Variants in SNX6 observed in about 807,000 individuals in gnomAD.
SNX6 encodes sorting nexin-6.
In SNX6, 34 loss-of-function variants were observed where a neutral mutation model predicts 63.0. The ratio of observed to expected loss-of-function variants is 0.54; its 90% CI spans 0.41 to 0.72. The LOEUF is 0.72. Among genes scored for constraint, SNX6 ranks in the 30% least tolerant of loss-of-function variants. SNX6 has a pLI of 0.00. For missense variants in SNX6, 398 were observed against 471.4 expected (o/e 0.84, Z 1.44); for synonymous variants, 170 against 164.2 (o/e 1.04, Z -0.27).
chr14:34,613,894 G>A (rs1883324017), intron 2 of SNX6, among the ~76,000 whole-genome samples: 1 of 151,928 alleles, frequency 6.6e-6, no homozygotes, highest in Non-Finnish European at 1.5e-5. Flanking sequence ...GGATCACGAG[G>A]TCAGGAGTTC....
intron 10 of SNX6, among the ~76,000 whole-genome samples, chr14:34,576,216 C>T (rs939003569): frequency 2.6e-5 from 4 of 151,850 alleles, no homozygotes; most frequent in Non-Finnish European, 2.9e-5. Flanking sequence ...TGAGCCACCG[C>T]GCCCGGCCTC....
Position 34,629,638 on chromosome 14 carries a change from G to A in SNX6, c.54+269C>T, listed in dbSNP as rs1373191767. On this transcript the variant is annotated intron_variant, in intron 2 of 13. Coordinates refer to ENST00000362031, the MANE Select transcript of SNX6 (RefSeq NM_152233.4). ...ATTTCCACTTCGCCACCTGCACCCC[G>A]CCCCGCGTGGGAGTGGAGGTCCACC... is the stretch of plus-strand genomic sequence containing the variant. 5.8e-6 allele frequency: 4 copies of A among 685,166 alleles called. No individual in the cohort carries two copies. The South Asian group carries it at 6.0e-5, about 10-fold the overall frequency. 42.4% of individuals were successfully genotyped at this position (685,166 alleles called of 1,614,324 possible). A position where few individuals can be genotyped will look rare whatever the true frequency, so the allele number is the denominator to read the frequency against.
At chr14:34,568,091 C>A in intron 11 of SNX6, 78 bp from the exon 12 acceptor site, 1 of 1,218,452 alleles carries the variant, frequency 8.2e-7, no homozygotes, top group Non-Finnish European at 1.2e-6. Context: ...CTGTCACCAC[C>A]ACCACAACCA....
At chr14:34,585,936 A>T (rs1183618005) in intron 9 of SNX6, among the ~76,000 whole-genome samples, 4 of 139,160 alleles carry the variant, frequency 2.9e-5, no homozygotes, top group Admixed American at 7.4e-5. Context: ...ATGGAGTCTC[A>T]CTCTGTTGCC....
intron 2 of SNX6, among the ~76,000 whole-genome samples, chr14:34,612,806 T>C (rs1310634241): frequency 6.6e-6 from 1 of 151,842 alleles, no homozygotes; most frequent in South Asian, 2.1e-4. Context: ...TCCCAGCACT[T>C]TGGGAGGCCG....
intron 2 of SNX6, among the ~76,000 whole-genome samples, chr14:34,626,491 A>G (rs1386368508): frequency 7.5e-6 from 1 of 133,404 alleles, no homozygotes; most frequent in African/African-American, 3.1e-5. Context: ...CGCCTCTACT[A>G]AAAAAAAAAA....
intron 6 of SNX6, among the ~76,000 whole-genome samples, chr14:34,602,962 C>G (rs1426644819): frequency 7.5e-6 from 1 of 134,114 alleles, no homozygotes; most frequent in Non-Finnish European, 1.6e-5. Flanking sequence ...GCTGACAGAG[C>G]GAGACTCCGT....
chr14:34,608,086 C>A lies in SNX6; in HGVS notation c.214G>T (p.Glu72Ter). Residue 72 changes from glutamate (E) to a stop codon, truncating the protein, a stop_gained, in exon 4 of 14, where the codon GAA becomes TAA. Coordinates refer to ENST00000362031, the MANE Select transcript of SNX6 (RefSeq NM_152233.4). LOFTEE classifies it high-confidence loss of function. ...AAGGAATCATGAAGCCAGATAAATT[C>A]CTCATGTTGCCGAACAACTGAAAAC... ...NEFSVVRQHE[E>*]FIWLHDSFVE... The A allele has an allele frequency of 6.2e-7, 1 of 1,610,734 alleles. No homozygotes were observed. The highest frequency in any genetic ancestry group is 2.2e-5 in the East Asian group (1 of 44,762).
chr14:34,601,542 C>T (rs1205741240), intron 6 of SNX6, among the ~76,000 whole-genome samples: 1 of 150,672 alleles, frequency 6.6e-6, no homozygotes, highest in East Asian at 2.0e-4. Context: ...AAGAGGTTTG[C>T]AATTAAGGAT....
chr14:34,611,849 G>A (rs372409916), intron 2 of SNX6, among the ~76,000 whole-genome samples: 1 of 151,562 alleles, frequency 6.6e-6, no homozygotes, highest in South Asian at 2.1e-4. Flanking sequence ...CACAATCTCG[G>A]CTCACTGCAA....
intron 13 of SNX6, among the ~76,000 whole-genome samples, chr14:34,563,405 A>G (rs895685886): frequency 2.0e-5 from 3 of 151,936 alleles, no homozygotes; most frequent in African/African-American, 7.3e-5. Flanking sequence ...AAAAAATACA[A>G]AAAATTAGCC....
At chr14:34,563,558 CA>C (rs534547624) in intron 13 of SNX6, among the ~76,000 whole-genome samples, 182 of 83,284 alleles carry the variant, frequency 2.2e-3, no homozygotes, top group East Asian at 0.017. Flanking sequence ...GACTGCGTCT[CA>C]AAAAAAAAAA....
intron 11 of SNX6, among the ~76,000 whole-genome samples, chr14:34,573,027 G>C (rs996199839): frequency 6.6e-6 from 1 of 152,004 alleles, no homozygotes; most frequent in African/African-American, 2.4e-5. Flanking sequence ...TGTTGTCCAG[G>C]CAACAGTATA....
At chr14:34,612,159 T>G (rs1042686150) in intron 2 of SNX6, among the ~76,000 whole-genome samples, 3 of 152,116 alleles carry the variant, frequency 2.0e-5, no homozygotes, top group African/African-American at 7.2e-5. Context: ...CAGGCTGGTC[T>G]TGAACTCCCG....
chr14:34,567,829 T>C, intron 12 of SNX6, 25 bp downstream of exon 12: 1 of 1,613,254 alleles, frequency 6.2e-7, no homozygotes, highest in Non-Finnish European at 8.5e-7. Flanking sequence ...GCATATCTTG[T>C]GATTAAAGGT....
chr14:34,605,098 T>C (rs890827722), intron 5 of SNX6, among the ~76,000 whole-genome samples: 7 of 152,288 alleles, frequency 4.6e-5, no homozygotes, highest in African/African-American at 1.7e-4. Context: ...TCACACTACA[T>C]ACATACGCAG....
intron 13 of SNX6, among the ~76,000 whole-genome samples, chr14:34,567,210 G>A (rs986603867): frequency 2.6e-5 from 4 of 151,870 alleles, no homozygotes; most frequent in Non-Finnish European, 4.4e-5. Flanking sequence ...AGACTAGCCG[G>A]GTACGGTGGC....
chr14:34,621,315 G>C (rs1467624923), intron 2 of SNX6, among the ~76,000 whole-genome samples: 1 of 152,040 alleles, frequency 6.6e-6, no homozygotes, highest in South Asian at 2.1e-4. Context: ...AATCATCTTT[G>C]CTCTGGTCCT....
chr14:34,590,168 C>T (rs1400521216), intron 8 of SNX6, among the ~76,000 whole-genome samples: 1 of 151,882 alleles, frequency 6.6e-6, no homozygotes, highest in East Asian at 1.9e-4. Flanking sequence ...GTGGCTCATG[C>T]CTGTAATCCC....
Sources: allele counts gnomAD v4.1 joint callset (sites outside exome capture counted in the v4.1 genomes callset), GRCh38; gene constraint gnomAD v4.1.1; transcripts MANE v1.5; gene names NCBI Gene and HGNC (gene_info 2026-07-23, HGNC 2026-07-21).